CNBD1: variants seen among roughly 807,000 people sequenced by gnomAD.
CNBD1 encodes cyclic nucleotide binding domain containing 1, also known as cyclic nucleotide-binding domain-containing protein 1.
In CNBD1, 71 loss-of-function variants were observed where a neutral mutation model predicts 54.4. The observed-to-expected ratio is 1.30, with a 90% CI of 1.08 to 1.59. The LOEUF (loss-of-function observed/expected upper bound fraction) is 1.59, where lower values mean the gene tolerates loss of function less well. Among genes scored for constraint, CNBD1 ranks in the 40% most tolerant of loss-of-function variants. The pLI is 0.00. For synonymous variants in CNBD1, 182 were observed against 170.7 expected (o/e 1.07, Z -0.51); for missense variants, 659 against 518.0 (o/e 1.27, Z -2.64).
At chr8:87,366,722 A>T (rs1463386989) in intron 10 of CNBD1, among the ~76,000 whole-genome samples, 1 of 152,020 alleles carries the variant, frequency 6.6e-6, no homozygotes, top group Non-Finnish European at 1.5e-5. Flanking sequence ...AGAGCATGAC[A>T]GGTATCTCTG....
chr8:87,302,026 C>A (rs180912397), intron 8 of CNBD1, among the ~76,000 whole-genome samples: 4 of 152,056 alleles, frequency 2.6e-5, no homozygotes, highest in African/African-American at 9.7e-5. Context: ...AGTCCAGGAC[C>A]AGACGGATTC....
chr8:87,385,622 G>T (rs371149508), downstream of CNBD1, among the ~76,000 whole-genome samples: 4 of 152,120 alleles, frequency 2.6e-5, no homozygotes, highest in Admixed American at 2.6e-4. Flanking sequence ...TGGCTGGGAA[G>T]CTGGAACTGG....
In CNBD1 at chr8:87,323,754, A is replaced by C. The variant is rs1166419731; in HGVS notation, c.1043-27931A>C. The stretch of plus-strand genomic sequence containing the variant: ...ACAATCATGTCATCTGCAAACAGGG[A>C]CAATTTGACTTCCTCTTTTCCTAAT... On this transcript the variant is annotated intron_variant, in intron 8 of 10. Coordinates refer to ENST00000518476, the MANE Select transcript of CNBD1 (RefSeq NM_173538.3). 2.8e-3 allele frequency among the ~76,000 whole-genome samples: 360 copies of C among 127,006 alleles called. 8 individuals carry two copies. Among genetic ancestry groups the C allele is most frequent in the African/African-American group, 0.01 (345 of 34,432 alleles). 83.3% of individuals were successfully genotyped at this position (127,006 alleles called of 152,430 possible). A position where few individuals can be genotyped will look rare whatever the true frequency, so the allele number is the denominator to read the frequency against.
intron 4 of CNBD1, among the ~76,000 whole-genome samples, chr8:87,129,555 C>T (rs1446597475): frequency 2.0e-5 from 3 of 152,106 alleles, no homozygotes; most frequent in African/African-American, 7.2e-5. Flanking sequence ...TTAATTTTCT[C>T]TTTAGGTTAT....
chr8:87,017,738 G>A (rs1242456580), intron 4 of CNBD1, among the ~76,000 whole-genome samples: 1 of 151,982 alleles, frequency 6.6e-6, no homozygotes, highest in East Asian at 1.9e-4. Context: ...TAAAATATAT[G>A]TATATATATT....
intron 10 of CNBD1, among the ~76,000 whole-genome samples, chr8:87,380,901 G>T (rs528943894): frequency 1.3e-5 from 2 of 152,010 alleles, no homozygotes; most frequent in South Asian, 2.1e-4. Flanking sequence ...ACTAAAAATG[G>T]ATTAAAGACA....
intron 4 of CNBD1, among the ~76,000 whole-genome samples, chr8:87,174,606 C>CT (rs1385507572): frequency 1.3e-5 from 2 of 152,242 alleles, no homozygotes; most frequent in Non-Finnish European, 2.9e-5. Context: ...GTCAGGTCAT[C>CT]TTATCCTGGA....
chr8:87,181,051 A>G (rs1250016509), intron 4 of CNBD1, among the ~76,000 whole-genome samples: 2 of 152,104 alleles, frequency 1.3e-5, no homozygotes, highest in African/African-American at 4.8e-5. Context: ...CTTCCCCCAG[A>G]AACGTGCTGC....
At chr8:87,258,557 C>T (rs1283782927) in intron 6 of CNBD1, among the ~76,000 whole-genome samples, 1 of 151,958 alleles carries the variant, frequency 6.6e-6, no homozygotes, top group Non-Finnish European at 1.5e-5. Flanking sequence ...TCCCAAAGTG[C>T]TTTACAGGCA....
At chr8:87,407,352 T>C (rs1807668615) in intron 2 of CNBD1, among the ~76,000 whole-genome samples, 1 of 151,882 alleles carries the variant, frequency 6.6e-6, no homozygotes, top group South Asian at 2.1e-4. Context: ...GTACTTAGTT[T>C]ATTATTGTAT....
intron 4 of CNBD1, among the ~76,000 whole-genome samples, chr8:87,100,287 AAAATATTTT>A (rs1327712728): frequency 6.6e-6 from 1 of 152,208 alleles, no homozygotes; most frequent in Non-Finnish European, 1.5e-5. Flanking sequence ...ATATCTAGAT[AAAATATTTT>A]AAATATTTTA....
chr8:86,883,354 A>C (rs1394400250), intron 1 of CNBD1, among the ~76,000 whole-genome samples: 1 of 152,172 alleles, frequency 6.6e-6, no homozygotes, highest in Non-Finnish European at 1.5e-5. Context: ...ATTCACGTGA[A>C]TATTAGTGGA....
chr8:87,318,519 A>G (rs1240697349), intron 8 of CNBD1, among the ~76,000 whole-genome samples: 1 of 152,112 alleles, frequency 6.6e-6, no homozygotes, highest in Non-Finnish European at 1.5e-5. Context: ...CGTGCACATC[A>G]GAGGTTGTTC....
intron 10 of CNBD1, among the ~76,000 whole-genome samples, chr8:87,355,052 A>T (rs1288978413): frequency 6.6e-6 from 1 of 152,208 alleles, no homozygotes; most frequent in Non-Finnish European, 1.5e-5. Context: ...GTGGAGAAAT[A>T]GGAACACTTT....
In CNBD1 at chr8:87,420,005, C is replaced by G. The variant is rs1285840051; in HGVS notation, c.214-8541C>G. 4.0e-5 allele frequency among the ~76,000 whole-genome samples: 6 copies of G among 149,732 alleles called. No homozygotes were observed. The East Asian group carries it at 1.2e-3, about 29-fold the overall frequency. Reference sequence around the variant, plus strand: ...ATAGCAATATGTAAGTATATTGAATCCAGAAATATATAGAAAGCACTATAC... The same window carrying G: ...ATAGCAATATGTAAGTATATTGAATGCAGAAATATATAGAAAGCACTATAC... On this transcript the variant is annotated intron_variant, in intron 2 of 7. Coordinates refer to the CNBD1 transcript ENST00000521593.
chr8:86,904,825 A>G (rs998643834), intron 2 of CNBD1, among the ~76,000 whole-genome samples: 1 of 152,124 alleles, frequency 6.6e-6, no homozygotes. Context: ...ATGAGTTTTA[A>G]AAAGACTGAA....
intron 6 of CNBD1, among the ~76,000 whole-genome samples, chr8:87,274,276 G>T (rs1171651807): frequency 2.0e-5 from 3 of 150,008 alleles, no homozygotes; most frequent in African/African-American, 7.5e-5. Flanking sequence ...AGTCCTTTGG[G>T]TATATACCCA....
chr8:87,076,737 C>T (rs565414229), intron 4 of CNBD1, among the ~76,000 whole-genome samples: 10 of 152,160 alleles, frequency 6.6e-5, no homozygotes, highest in South Asian at 2.1e-4. Flanking sequence ...CCACCACACC[C>T]GGCTGAACTA....
At chr8:87,150,655 C>T (rs1172680347) in intron 4 of CNBD1, among the ~76,000 whole-genome samples, 2 of 152,064 alleles carry the variant, frequency 1.3e-5, no homozygotes, top group Admixed American at 6.6e-5. Flanking sequence ...AAAGGCAGGT[C>T]GATTTTTAAG....
Sources: gnomAD v4.1 joint callset for allele counts (sites outside exome capture counted in the v4.1 genomes callset) on GRCh38, gnomAD v4.1.1 for gene constraint, MANE v1.5 for transcripts, NCBI Gene and HGNC (gene_info 2026-07-23, HGNC 2026-07-21) for gene names.